PCDHGA6: variants seen among roughly 807,000 people sequenced by gnomAD.
PCDHGA6 encodes the protein protocadherin gamma-A6.
Under a neutral mutation model 60.6 loss-of-function variants are expected in PCDHGA6, and 41 were observed. The observed-to-expected ratio is 0.68, with a 90% CI of 0.53 to 0.88. The LOEUF is 0.88. PCDHGA6 is among the 40% of genes least tolerant of loss of function. PCDHGA6 has a pLI of 0.00. For missense variants in PCDHGA6, 1,312 were observed against 1,203.0 expected (o/e 1.09, Z -1.34); for synonymous variants, 594 against 524.4 (o/e 1.13, Z -1.81).
chr5:141,441,973 C>A lies in PCDHGA6; in HGVS notation c.2425-52834C>A, dbSNP rs1457832429. The A allele has an allele frequency of 3.7e-5, 11 of 296,542 alleles. No individual in the cohort carries two copies. In the Admixed American group the frequency reaches 4.9e-4, roughly 13 times the overall value. 18.4% of individuals were successfully genotyped at this position (296,542 alleles called of 1,614,324 possible). A position where few individuals can be genotyped will look rare whatever the true frequency, so the allele number is the denominator to read the frequency against. ...GGCCAGCAAGCCCAGGCTCTTCAGC[C>A]TGGAATGCGCACCGACGAGGTGCTG... On this transcript the variant is annotated intron_variant, in intron 1 of 3. Coordinates refer to ENST00000517434, the MANE Select transcript of PCDHGA6 (RefSeq NM_018919.3).
intron 1 of PCDHGA6, chr5:141,379,765 A>G (rs1294190356): frequency 6.6e-6 from 1 of 152,120 alleles, no homozygotes; most frequent in Non-Finnish European, 1.5e-5. Context: ...CACCTGCAAT[A>G]CAGATCATTA....
chr5:141,393,500 C>T lies in PCDHGA6; in HGVS notation c.2424+16993C>T, dbSNP rs747121608. 6.2e-6 allele frequency: 10 copies of T among 1,613,922 alleles called. No homozygotes were observed. In the African/African-American group the frequency reaches 6.7e-5, roughly 11 times the overall value. On this transcript the variant is annotated intron_variant, in intron 1 of 3. Coordinates refer to ENST00000517434, the MANE Select transcript of PCDHGA6 (RefSeq NM_018919.3). The stretch of plus-strand genomic sequence containing the variant: ...CTCGCTCTAGCACAGTGCGCATCCA[C>T]GTGACAGTGTTGGATACAAATGACA...
rs1419819549 is a variant in PCDHGA6 at position 141,405,132 on chromosome 5, C to T, written c.2424+28625C>T. ...TGGCACTCCTCGCATCTGCTGCGGG[C>T]TACCAGTGATGGGTTGGCTGGTGTG... On this transcript the variant is annotated intron_variant, in intron 1 of 3. Transcript: ENST00000517434. 2 of 1,614,032 alleles carry T rather than the reference C, an allele frequency of 1.2e-6. No individual in the cohort carries two copies. Among genetic ancestry groups the T allele is most frequent in the East Asian group, 4.5e-5 (2 of 44,860 alleles).
At chr5:141,414,623 C>T (rs998923536) in intron 1 of PCDHGA6, 2 of 1,613,820 alleles carry the variant, frequency 1.2e-6, no homozygotes, top group African/African-American at 1.3e-5. Flanking sequence ...GCGCTGGACC[C>T]GGACAGCAAA....
Position 141,491,657 on chromosome 5 carries a change from A to T in PCDHGA6, c.2425-3150A>T. 1.2e-6 allele frequency: 2 copies of T among 1,613,740 alleles called. No homozygotes were observed. Among genetic ancestry groups the T allele is most frequent in the Non-Finnish European group, 1.7e-6 (2 of 1,180,006 alleles). On this transcript the variant is annotated intron_variant, in intron 1 of 3. Transcript: ENST00000517434. The surrounding 1 kb of genome is among the most constrained non-coding windows in gnomAD (Gnocchi z 6.9). ...CCCACAGCTCTGGCGCTGGAGCCTG[A>T]CGCCATCCGGTCCCGCTCTAATACG...
chr5:141,492,873 C>G (rs2099744714), intron 1 of PCDHGA6, among the ~76,000 whole-genome samples: 1 of 152,182 alleles, frequency 6.6e-6, no homozygotes, highest in Non-Finnish European at 1.5e-5. Context: ...CTCTCAACCC[C>G]CAGAGATACA....
chr5:141,434,194 G>A (rs913533813), intron 1 of PCDHGA6, among the ~76,000 whole-genome samples: 7 of 152,190 alleles, frequency 4.6e-5, no homozygotes, highest in African/African-American at 4.8e-5. Flanking sequence ...TAATTCCAAT[G>A]TACTTACTTC....
chr5:141,396,584 C>T (rs2093399172), intron 1 of PCDHGA6: 1 of 151,318 alleles, frequency 6.6e-6, no homozygotes, highest in Non-Finnish European at 1.5e-5. Flanking sequence ...CCTGTCACTG[C>T]ACTCCAGCCT....
intron 1 of PCDHGA6, among the ~76,000 whole-genome samples, chr5:141,445,834 T>G (rs1310067225): frequency 6.6e-6 from 1 of 152,218 alleles, no homozygotes; most frequent in Middle Eastern, 3.2e-3. Context: ...GGGAGAGCCT[T>G]GTAAATCACA....
Position 141,431,668 on chromosome 5 carries a change from A to C in PCDHGA6, c.2424+55161A>C. ...ATTGTAATTCAGGGACAATATCAAC[A>C]ATAGGGGAGTTGGACCACGAGGAGT... is the stretch of plus-strand genomic sequence containing the variant. On this transcript the variant is annotated intron_variant, in intron 1 of 3. Coordinates refer to ENST00000517434, the MANE Select transcript of PCDHGA6 (RefSeq NM_018919.3). This position sits in a 1 kb window ranked among gnomAD's most constrained non-coding sequence, Gnocchi z 4.8. The C allele has an allele frequency of 6.2e-7, 1 of 1,614,208 alleles. No individual in the cohort carries two copies. Among genetic ancestry groups the C allele is most frequent in the Non-Finnish European group, 8.5e-7 (1 of 1,180,036 alleles).
At chr5:141,467,767 C>T (rs72790060) in intron 1 of PCDHGA6, among the ~76,000 whole-genome samples, 25,555 of 151,632 alleles carry the variant, frequency 0.17, 2,195 homozygotes, top group South Asian at 0.22. Context: ...GCTCAAGTGC[C>T]CGCACCTCAG....
rs930695301 is a variant in PCDHGA6, at chr5:141,472,874, T to C, written c.2425-21933T>C. On this transcript the variant is annotated intron_variant, in intron 1 of 3. Coordinates refer to ENST00000517434, the MANE Select transcript of PCDHGA6 (RefSeq NM_018919.3). ...GGTGGCACATGCCTGTATTCCCAGC[T>C]ACTCGGGAGGCTGAGGCAGGAGAAT... Among the ~76,000 whole-genome samples, 5 of 150,448 alleles carry C rather than the reference T, an allele frequency of 3.3e-5. No homozygotes were observed. In the Admixed American group the frequency reaches 3.3e-4, roughly 10 times the overall value.
At chr5:141,410,348 C>T (rs761119683) in intron 1 of PCDHGA6, 3 of 1,614,034 alleles carry the variant, frequency 1.9e-6, no homozygotes, top group East Asian at 2.2e-5. Context: ...CTTGCGCCTG[C>T]GACGCTCTCT....
Position 141,490,350 on chromosome 5 carries a change from G to T in PCDHGA6, c.2425-4457G>T. On this transcript the variant is annotated intron_variant, in intron 1 of 3. Transcript: ENST00000517434. This position sits in a 1 kb window ranked among gnomAD's most constrained non-coding sequence, Gnocchi z 5.4. Reference sequence around the variant, plus strand: ...GCACACCAGTGGGCACAGTAGTGGGGTTGTTTAATGTGCGAGACCGGGACT... The same window carrying T: ...GCACACCAGTGGGCACAGTAGTGGGTTTGTTTAATGTGCGAGACCGGGACT... 2 of 1,614,204 alleles carry T rather than the reference G, an allele frequency of 1.2e-6. No homozygotes were observed. The highest frequency in any genetic ancestry group is 1.7e-6 in the Non-Finnish European group (2 of 1,180,034).
In PCDHGA6 at chr5:141,413,451, C is replaced by T. The variant is rs1561742650; in HGVS notation, c.2424+36944C>T. 6.2e-6 allele frequency: 10 copies of T among 1,614,118 alleles called. No homozygotes were observed. The South Asian group carries it at 1.1e-4, about 18-fold the overall frequency. ...GCAGCGGCAGCTTGATCACCGCGGGCAGGATAGACCGGGAGGAGCTCTGCG... is the reference window on the plus strand; with the variant it reads ...GCAGCGGCAGCTTGATCACCGCGGGTAGGATAGACCGGGAGGAGCTCTGCG... On this transcript the variant is annotated intron_variant, in intron 1 of 3. Transcript: ENST00000517434.
In PCDHGA6 at chr5:141,376,000, G is replaced by A. The variant is rs771269314; in HGVS notation, c.1917G>A (p.Lys639=). The A allele has an allele frequency of 1.4e-5, 22 of 1,613,334 alleles. No individual in the cohort carries two copies. In the Admixed American group the frequency reaches 3.3e-4, roughly 24 times the overall value. Residue 639 remains lysine, a synonymous_variant, in exon 1 of 4, where the codon AAG becomes AAA. Transcript: ENST00000517434. The part of the protein sequence containing the change: ...ARALLDRDAL[K]QSLVVAVQDH... Reference sequence around the variant, plus strand: ...CCCTGCTGGACAGAGACGCGCTCAAGCAGAGCCTAGTGGTGGCCGTCCAGG... The same window carrying A: ...CCCTGCTGGACAGAGACGCGCTCAAACAGAGCCTAGTGGTGGCCGTCCAGG...
At chr5:141,422,963 C>A (rs372620011) in intron 1 of PCDHGA6, 1 of 1,614,120 alleles carries the variant, frequency 6.2e-7, no homozygotes, top group Non-Finnish European at 8.5e-7. Flanking sequence ...GTGGAGCTGG[C>A]GCCCCGCTCT....
At chr5:141,483,753 G>A (rs1316976446) in intron 1 of PCDHGA6, among the ~76,000 whole-genome samples, 1 of 152,082 alleles carries the variant, frequency 6.6e-6, no homozygotes, top group Non-Finnish European at 1.5e-5. Flanking sequence ...CCTGAGGATC[G>A]AGGCTTGGAA....
At chr5:141,446,069 C>T (rs552817495) in intron 1 of PCDHGA6, among the ~76,000 whole-genome samples, 1 of 152,102 alleles carries the variant, frequency 6.6e-6, no homozygotes, top group South Asian at 2.1e-4. Flanking sequence ...AAAGGGGAGG[C>T]AGTGGATGTA....
Sources: allele counts gnomAD v4.1 joint callset (sites outside exome capture counted in the v4.1 genomes callset), GRCh38; gene constraint gnomAD v4.1.1; non-coding constraint Gnocchi (gnomAD v3.1); transcripts MANE v1.5; gene names NCBI Gene and HGNC (gene_info 2026-07-23, HGNC 2026-07-21).